CARS1: variants seen among roughly 807,000 people sequenced by gnomAD.
The protein encoded by CARS1 is cysteine--tRNA ligase, cytoplasmic.
A neutral mutation model predicts 106.2 loss-of-function variants in CARS1; 48 were observed. The ratio of observed to expected loss-of-function variants is 0.45; its 90% CI spans 0.36 to 0.57. CARS1 has a LOEUF of 0.57. Ranked by LOEUF, CARS1 falls within the 20% of genes least tolerant of loss-of-function variation. CARS1 has a pLI of 0.00. For missense variants in CARS1, 968 were observed against 1,057.2 expected (o/e 0.92, Z 1.17); for synonymous variants, 409 against 403.4 (o/e 1.01, Z -0.17).
intron 19 of CARS1, 63 bp from the exon 20 acceptor site, chr11:3,005,496 A>G: frequency 2.3e-6 from 3 of 1,305,272 alleles, no homozygotes; most frequent in South Asian, 1.2e-5. Flanking sequence ...CTGCGGGGCC[A>G]GCCCTGCCCT....
chr11:3,055,334 T>C (rs1444303472), intron 1 of CARS1, among the ~76,000 whole-genome samples: 2 of 152,178 alleles, frequency 1.3e-5, no homozygotes, highest in African/African-American at 4.8e-5. Flanking sequence ...TTTTTATTTT[T>C]AGTAGAGACA....
intron 18 of CARS1, 24 bp downstream of exon 18, chr11:3,012,171 C>G: frequency 6.2e-7 from 1 of 1,610,024 alleles, no homozygotes; most frequent in African/African-American, 1.3e-5. Context: ...GGCTCCCACA[C>G]TCTTTCCAGC....
chr11:3,011,103 G>A (rs1850406236), intron 18 of CARS1, among the ~76,000 whole-genome samples: 1 of 152,214 alleles, frequency 6.6e-6, no homozygotes, highest in South Asian at 2.1e-4. Flanking sequence ...GAAAGCAGTG[G>A]GCAGGGCCCA....
In CARS1 at chr11:3,029,132, C is replaced by A; in HGVS notation, c.943-48G>T. ...CTGGGATTTTCCCTTCTGAAAACCACGCGCTCCATAAAAACGTTCCCAATT... is the reference window on the plus strand; with the variant it reads ...CTGGGATTTTCCCTTCTGAAAACCAAGCGCTCCATAAAAACGTTCCCAATT... On this transcript the variant is annotated intron_variant, in intron 8 of 22. Transcript: ENST00000380525. The surrounding 1 kb of genome is among the most constrained non-coding windows in gnomAD (Gnocchi z 5.9). 6.7e-7 allele frequency: 1 copy of A among 1,490,852 alleles called. No individual in the cohort carries two copies. The highest frequency in any genetic ancestry group is 9.4e-7 in the Non-Finnish European group (1 of 1,068,518). 92.4% of individuals were successfully genotyped at this position (1,490,852 alleles called of 1,614,324 possible).
rs1303006407 is a variant in CARS1 at position 3,045,736 on chromosome 11, T to C, written c.274+2017A>G. Reference sequence around the variant, plus strand: ...AGGAGGAGGGGCACATGGCCCACTGTGCCAGCAAGGAAGGTGCATGCTTGG... The same window carrying C: ...AGGAGGAGGGGCACATGGCCCACTGCGCCAGCAAGGAAGGTGCATGCTTGG... On this transcript the variant is annotated intron_variant, in intron 2 of 22. Coordinates refer to ENST00000380525, the MANE Select transcript of CARS1 (RefSeq NM_001014437.3). The surrounding 1 kb of genome is among the most constrained non-coding windows in gnomAD (Gnocchi z 5.6). 1.3e-5 allele frequency among the ~76,000 whole-genome samples: 2 copies of C among 152,152 alleles called. No individual in the cohort carries two copies. Among genetic ancestry groups the C allele is most frequent in the Non-Finnish European group, 2.9e-5 (2 of 68,012 alleles).
intron 9 of CARS1, 144 bp from the exon 10 acceptor site, chr11:3,026,941 T>C: frequency 2.2e-6 from 2 of 907,882 alleles, no homozygotes; most frequent in South Asian, 1.7e-5. Context: ...CTGAAAACCG[T>C]ATCAGCTGTT....
At position 3,020,187 on chromosome 11, in the gene CARS1, C is replaced by G. The variant is rs1172767640; in HGVS notation, c.1266+33G>C. The G allele has an allele frequency of 7.6e-7, 1 of 1,324,332 alleles. No homozygotes were observed. The allele number at this position is 1,324,332 out of a possible 1,614,324, so 82.0% of individuals were successfully genotyped here. A position where few individuals can be genotyped will look rare whatever the true frequency, so the allele number is the denominator to read the frequency against. On this transcript the variant is annotated intron_variant, in intron 11 of 22. Coordinates refer to ENST00000380525, the MANE Select transcript of CARS1 (RefSeq NM_001014437.3). This position sits in a 1 kb window ranked among gnomAD's most constrained non-coding sequence, Gnocchi z 4.6. ...GTGTGGCTGGCGCCAGTGCCCCTGT[C>G]CAAGCCCCACACCTTCTAGGCCACT...
chr11:3,010,889 T>G (rs2134111590), intron 18 of CARS1, among the ~76,000 whole-genome samples: 1 of 152,350 alleles, frequency 6.6e-6, no homozygotes, highest in South Asian at 2.1e-4. Flanking sequence ...GCCTGGATGC[T>G]GCCCCACTGT....
chr11:3,032,180 C>G (rs1007822466), intron 7 of CARS1, among the ~76,000 whole-genome samples: 8 of 151,592 alleles, frequency 5.3e-5, no homozygotes, highest in African/African-American at 1.9e-4. Flanking sequence ...TCAAGCAATT[C>G]TCCTGCCTCA....
Position 3,034,139 on chromosome 11 carries a change from T to C in CARS1, c.801+3911A>G, listed in dbSNP as rs916182260. On this transcript the variant is annotated intron_variant, in intron 7 of 22. Transcript: ENST00000380525. This position sits in a 1 kb window ranked among gnomAD's most constrained non-coding sequence, Gnocchi z 6.3. ...TAAGAGACACAAACACATGCCAACA[T>C]GTAACAGAGATGAATTCGTGTCTTA... 6.6e-6 allele frequency among the ~76,000 whole-genome samples: 1 copy of C among 152,158 alleles called. No individual in the cohort carries two copies. Among genetic ancestry groups the C allele is most frequent in the Non-Finnish European group, 1.5e-5 (1 of 68,036 alleles).
chr11:3,026,919 C>G, intron 9 of CARS1, 122 bp from the exon 10 acceptor site: 1 of 1,057,852 alleles, frequency 9.5e-7, no homozygotes, highest in East Asian at 2.5e-5. Context: ...TATCTACTCT[C>G]TGTGGTGGCC....
At position 3,047,684 on chromosome 11, in the gene CARS1, G is replaced by C. The variant is rs144655272; in HGVS notation, c.274+69C>G. 338 of 1,539,690 alleles carry C rather than the reference G, an allele frequency of 2.2e-4. 1 individual carries two copies. In the African/African-American group the frequency reaches 4.0e-3, roughly 18 times the overall value. On this transcript the variant is annotated intron_variant, in intron 2 of 22. Coordinates refer to ENST00000380525, the MANE Select transcript of CARS1 (RefSeq NM_001014437.3). Reference sequence around the variant, plus strand: ...TCCGCAGACGCCAGGTAAGCACCAGGGTGATGGAGAAAGCCCTTGACCTTG... The same window carrying C: ...TCCGCAGACGCCAGGTAAGCACCAGCGTGATGGAGAAAGCCCTTGACCTTG...
At position 3,017,188 on chromosome 11, in the gene CARS1, A is replaced by G. The variant is rs569582353; in HGVS notation, c.1835T>C (p.Met612Thr). The part of the protein sequence containing the change: ...RALVSQCNLY[M>T]AARKAVRKRP... Reference sequence around the variant, plus strand: ...CTTCCTCACGGCTTTCCGGGCTGCCATATAGAGGTTGCACTGACTGACCAA... The same window carrying G: ...CTTCCTCACGGCTTTCCGGGCTGCCGTATAGAGGTTGCACTGACTGACCAA... Residue 612 changes from methionine (M) to threonine (T), a missense_variant, in exon 16 of 23, where the codon ATG becomes ACG. Transcript: ENST00000380525. This position sits in a 1 kb window ranked among gnomAD's most constrained non-coding sequence, Gnocchi z 4.9. The G allele has an allele frequency of 2.5e-6, 4 of 1,614,182 alleles. No individual in the cohort carries two copies. Among genetic ancestry groups the G allele is most frequent in the East Asian group, 2.2e-5 (1 of 44,884 alleles).
chr11:3,027,752 G>A, intron 9 of CARS1: 1 of 443,570 alleles, frequency 2.3e-6, no homozygotes, highest in South Asian at 1.6e-5. Context: ...GCCACCAGAA[G>A]GGTTCCTTGG....
intron 1 of CARS1, chr11:3,054,789 G>A (rs1207838300): frequency 4.4e-6 from 3 of 687,872 alleles, no homozygotes; most frequent in South Asian, 3.0e-5. Context: ...AGCAGTGCCT[G>A]GCACAGACTC....
chr11:3,001,994 G>T lies in CARS1; in HGVS notation c.2337C>A (p.Asp779Glu), dbSNP rs1481980697. ...PPSEMFLSET[D>E]KYSKFDENGL... ...CATTTTCATCAAACTTGGAGTATTT[G>T]TCGGTTTCTGACAAGAACATCTCAC... is the stretch of plus-strand genomic sequence containing the variant. The change falls in exon 22 of 23, where the codon GAC becomes GAA. Residue 779 changes from aspartate (D) to glutamate (E), a missense_variant. Physicochemically the swap from Asp to Glu is conservative, Grantham distance 45. Transcript: ENST00000380525. The T allele has an allele frequency of 6.2e-7, 1 of 1,613,460 alleles. No homozygotes were observed. The highest frequency in any genetic ancestry group is 1.3e-5 in the African/African-American group (1 of 74,922).
chr11:3,054,935 C>T (rs954678664), intron 1 of CARS1: 8 of 702,482 alleles, frequency 1.1e-5, no homozygotes, highest in Non-Finnish European at 2.1e-5. Context: ...CTGAGGTAGG[C>T]TCCATCTACC....
intron 7 of CARS1, among the ~76,000 whole-genome samples, chr11:3,036,490 C>T (rs560126035): frequency 2.6e-5 from 4 of 152,298 alleles, no homozygotes; most frequent in South Asian, 2.1e-4. Flanking sequence ...AGTATACCAC[C>T]TCACACCTAC....
Position 3,040,808 on chromosome 11 carries a change from G to T in CARS1, c.455+88C>A. ...TCTGTAGCAGATCTAAGATCTTTGT[G>T]GACCTAAGATCGCTGCTGTGGATCC... On this transcript the variant is annotated intron_variant, in intron 4 of 22. Transcript: ENST00000380525. This position sits in a 1 kb window ranked among gnomAD's most constrained non-coding sequence, Gnocchi z 5.8. 1 of 1,316,632 alleles carries T rather than the reference G, an allele frequency of 7.6e-7. No individual in the cohort carries two copies. The highest frequency in any genetic ancestry group is 1.1e-6 in the Non-Finnish European group (1 of 936,708). The allele number at this position is 1,316,632 out of a possible 1,614,324, so 81.6% of individuals were successfully genotyped here. A position where few individuals can be genotyped will look rare whatever the true frequency, so the allele number is the denominator to read the frequency against.
Sources: gnomAD v4.1 joint callset for allele counts (sites outside exome capture counted in the v4.1 genomes callset) on GRCh38, gnomAD v4.1.1 for gene constraint, Gnocchi (gnomAD v3.1) non-coding constraint, MANE v1.5 for transcripts, NCBI Gene and HGNC (gene_info 2026-07-23, HGNC 2026-07-21) for gene names.